The following NLGN1 variants were observed in gnomAD, a reference collection of about 807,000 sequenced individuals.
NLGN1 encodes neuroligin 1.
NLGN1 carries 12 observed loss-of-function variants against 65.5 expected under a neutral mutation model. The observed-to-expected ratio is 0.18, with a 90% CI of 0.12 to 0.30. The LOEUF (loss-of-function observed/expected upper bound fraction) is 0.30. Ranked by LOEUF, NLGN1 falls within the 10% of genes least tolerant of loss-of-function variation. The pLI is 1.00. For missense variants in NLGN1, 750 were observed against 1,007.1 expected (o/e 0.74, Z 3.46); for synonymous variants, 350 against 359.5 (o/e 0.97, Z 0.30).
intron 2 of NLGN1, among the ~76,000 whole-genome samples, chr3:173,601,399 C>T (rs954078717): frequency 6.6e-6 from 1 of 151,998 alleles, no homozygotes; most frequent in Non-Finnish European, 1.5e-5. Flanking sequence ...GAGCCTTATT[C>T]TCTTTCCTTT....
At chr3:173,798,064 G>A (rs1231688820) in intron 3 of NLGN1, among the ~76,000 whole-genome samples, 1 of 152,056 alleles carries the variant, frequency 6.6e-6, no homozygotes, top group Non-Finnish European at 1.5e-5. Flanking sequence ...AGCTCTTATA[G>A]AGCCCCGAAC....
At chr3:173,662,697 G>T (rs1446400577) in intron 3 of NLGN1, among the ~76,000 whole-genome samples, 2 of 151,846 alleles carry the variant, frequency 1.3e-5, no homozygotes, top group Non-Finnish European at 2.9e-5. Flanking sequence ...TCATATCAGT[G>T]GTTCTCAACT....
At chr3:173,397,099 T>G (rs1011937405), upstream of NLGN1, among the ~76,000 whole-genome samples, 4 of 148,656 alleles carry the variant, frequency 2.7e-5, no homozygotes, top group African/African-American at 7.8e-5. Flanking sequence ...AACTGGGTGG[T>G]TTTTTTTAAG....
intron 2 of NLGN1, among the ~76,000 whole-genome samples, chr3:173,504,327 A>T (rs1463483218): frequency 1.3e-5 from 2 of 152,086 alleles, no homozygotes; most frequent in African/African-American, 4.8e-5. Context: ...GAGGAAATGT[A>T]TGTAATGGAA....
intron 2 of NLGN1, among the ~76,000 whole-genome samples, chr3:173,503,845 C>A (rs1731557937): frequency 6.6e-6 from 1 of 151,984 alleles, no homozygotes; most frequent in Non-Finnish European, 1.5e-5. Flanking sequence ...ATATAAATTT[C>A]TTTCATGGGA....
At chr3:174,289,935 A>ATG (rs1372101347), downstream of NLGN1, among the ~76,000 whole-genome samples, 87 of 112,716 alleles carry the variant, frequency 7.7e-4, no homozygotes, top group African/African-American at 2.8e-3. Flanking sequence ...GTGTATATAT[A>ATG]TATGTATGTA....
intron 2 of NLGN1, among the ~76,000 whole-genome samples, chr3:173,520,765 GGT>G (rs1734622514): frequency 6.6e-6 from 1 of 152,102 alleles, no homozygotes; most frequent in African/African-American, 2.4e-5. Flanking sequence ...CAGAAGAGAT[GGT>G]TTTAGGTAAC....
intron 4 of NLGN1, among the ~76,000 whole-genome samples, chr3:174,076,704 AGAGAGAGAGAGAGAGAGAGAGTGT>A (rs913591739): frequency 2.1e-5 from 3 of 145,616 alleles, no homozygotes; most frequent in African/African-American, 7.9e-5. Flanking sequence ...AGAGAGAGAG[AGAGAGAGAGAGAGAGAGAGAGTGT>A]GTGTGTGTGT....
chr3:173,424,880 T>C (rs1294222674), intron 1 of NLGN1, among the ~76,000 whole-genome samples: 6 of 152,170 alleles, frequency 3.9e-5, no homozygotes, highest in Non-Finnish European at 8.8e-5. Flanking sequence ...CTTCCACATT[T>C]CAGGTTATCT....
At chr3:173,691,979 A>C (rs1304201897) in intron 3 of NLGN1, among the ~76,000 whole-genome samples, 1 of 152,128 alleles carries the variant, frequency 6.6e-6, no homozygotes, top group Non-Finnish European at 1.5e-5. Context: ...AAAAGAATAC[A>C]AAATTAATTT....
chr3:173,758,538 T>A (rs911232084), intron 3 of NLGN1, among the ~76,000 whole-genome samples: 7 of 151,998 alleles, frequency 4.6e-5, no homozygotes, highest in Non-Finnish European at 8.8e-5. Flanking sequence ...CTACAGTACT[T>A]TATAGCTTAC....
intron 2 of NLGN1, among the ~76,000 whole-genome samples, chr3:173,584,326 T>C (rs1457620932): frequency 6.7e-6 from 1 of 149,274 alleles, no homozygotes; most frequent in African/African-American, 2.5e-5. Context: ...ACTAGGGGTA[T>C]CTTTGTACCA....
At chr3:174,098,131 A>C (rs1309514256) in intron 4 of NLGN1, among the ~76,000 whole-genome samples, 1 of 152,226 alleles carries the variant, frequency 6.6e-6, no homozygotes, top group Admixed American at 6.5e-5. Flanking sequence ...AATCACCTTC[A>C]TAATGTTACT....
intron 4 of NLGN1, among the ~76,000 whole-genome samples, chr3:174,029,854 G>A (rs761046413): frequency 4.7e-4 from 71 of 152,160 alleles, no homozygotes; most frequent in Non-Finnish European, 7.9e-4. Flanking sequence ...CTACCAGCAT[G>A]TAAGATGTGA....
chr3:173,421,680 G>T (rs577738793), intron 1 of NLGN1, among the ~76,000 whole-genome samples: 2 of 151,394 alleles, frequency 1.3e-5, no homozygotes, highest in African/African-American at 4.8e-5. Flanking sequence ...CCATCATGCC[G>T]GGATAAATTT....
chr3:173,910,450 A>T, intron 4 of NLGN1: 1 of 152,150 alleles, frequency 6.6e-6, no homozygotes, highest in African/African-American at 2.4e-5. Flanking sequence ...CTAAGCCTGA[A>T]ATTTGAAGTT....
intron 4 of NLGN1, among the ~76,000 whole-genome samples, chr3:173,922,376 TGAAGA>T (rs1742214023): frequency 6.6e-6 from 1 of 152,062 alleles, no homozygotes. Flanking sequence ...TACAAAAATG[TGAAGA>T]GAATTATATA....
At chr3:174,090,892 A>T (rs997544711) in intron 4 of NLGN1, among the ~76,000 whole-genome samples, 1 of 152,164 alleles carries the variant, frequency 6.6e-6, no homozygotes, top group African/African-American at 2.4e-5. Flanking sequence ...TGGCACATCC[A>T]GGGGATTCTT....
chr3:174,217,063 G>A (rs1426418433), intron 4 of NLGN1, among the ~76,000 whole-genome samples: 1 of 151,968 alleles, frequency 6.6e-6, no homozygotes, highest in South Asian at 2.1e-4. Flanking sequence ...TAAAAATAAG[G>A]TGTTGGCAGG....
Sources: allele counts gnomAD v4.1 joint callset (sites outside exome capture counted in the v4.1 genomes callset), GRCh38; gene constraint gnomAD v4.1.1; transcripts MANE v1.5; gene names NCBI Gene and HGNC (gene_info 2026-07-23, HGNC 2026-07-21).